The following A1CF variants were observed in gnomAD, a reference collection of about 807,000 sequenced individuals.
The protein encoded by A1CF is APOBEC1 complementation factor, also known as APOBEC-1 stimulating protein.
A1CF carries 48 observed loss-of-function variants against 68.9 expected under a neutral mutation model. The ratio of observed to expected loss-of-function variants is 0.70; its 90% CI spans 0.55 to 0.89. The LOEUF is 0.89. Ranked by LOEUF, A1CF falls within the 40% of genes least tolerant of loss-of-function variation. A1CF has a pLI of 0.00. For missense variants in A1CF, 653 were observed against 718.9 expected (o/e 0.91, Z 1.05); for synonymous variants, 272 against 260.4 (o/e 1.04, Z -0.43).
intron 3 of A1CF, among the ~76,000 whole-genome samples, chr10:50,846,784 T>C (rs953717138): frequency 2.0e-5 from 3 of 152,194 alleles, no homozygotes; most frequent in African/African-American, 7.2e-5. Flanking sequence ...GCATATTAAT[T>C]GTCTTTCTTT....
intron 7 of A1CF, chr10:50,824,117 A>T (rs1838806073): frequency 6.6e-6 from 1 of 152,080 alleles, no homozygotes; most frequent in Non-Finnish European, 1.5e-5. Context: ...TAGCCCTGAG[A>T]GTTGTGCCAC....
intron 12 of A1CF, among the ~76,000 whole-genome samples, chr10:50,809,332 C>CT (rs1435789208): frequency 1.3e-5 from 2 of 152,112 alleles, no homozygotes; most frequent in Admixed American, 6.5e-5. Context: ...TTTAAAAAAT[C>CT]TTTTTTGAAA....
chr10:50,829,096 A>T (rs1839111903), intron 6 of A1CF, among the ~76,000 whole-genome samples: 1 of 152,174 alleles, frequency 6.6e-6, no homozygotes, highest in African/African-American at 2.4e-5. Flanking sequence ...GTGCCATCTC[A>T]GTTACTTCTC....
chr10:50,874,569 C>T (rs1009399186), intron 1 of A1CF, among the ~76,000 whole-genome samples: 2 of 152,174 alleles, frequency 1.3e-5, no homozygotes, highest in Non-Finnish European at 2.9e-5. Context: ...TAACTGCAAA[C>T]GTTCTTAAAT....
In A1CF at chr10:50,806,740, C is replaced by A. The variant is rs770415333; in HGVS notation, c.1750G>T (p.Gly584Cys). The A allele has an allele frequency of 6.2e-7, 1 of 1,601,414 alleles. No homozygotes were observed. The highest frequency in any genetic ancestry group is 1.1e-5 in the South Asian group (1 of 88,108). ...FAVTARGDGY[G>C]TF The stretch of plus-strand genomic sequence containing the variant: ...TTAAAAAAGCATCTTCAGAAGGTGC[C>A]ATATCCATCCCCTCGGGCAGTCACT... Residue 584 changes from glycine (G) to cysteine (C), a missense_variant, in exon 13 of 13, where the codon GGC becomes TGC. By Grantham distance (159) the Gly-to-Cys change is radical (BLOSUM62 -3). Coordinates refer to ENST00000373997, the MANE Select transcript of A1CF (RefSeq NM_014576.4).
At chr10:50,843,908 C>T (rs1292436019) in intron 4 of A1CF, 80 bp downstream of exon 4, 20 of 1,552,632 alleles carry the variant, frequency 1.3e-5, no homozygotes, top group Non-Finnish European at 1.7e-5. Flanking sequence ...ACCAAGAAGG[C>T]TGAGAATGAA....
At chr10:50,858,231 AT>A (rs1214493915) in intron 3 of A1CF, among the ~76,000 whole-genome samples, 15 of 152,284 alleles carry the variant, frequency 9.9e-5, no homozygotes, top group African/African-American at 3.6e-4. Context: ...TATGAAAAAA[AT>A]ATCAATTTTT....
intron 7 of A1CF, among the ~76,000 whole-genome samples, chr10:50,823,339 G>A (rs1214357287): frequency 6.6e-6 from 1 of 152,130 alleles, no homozygotes; most frequent in Non-Finnish European, 1.5e-5. Flanking sequence ...TTGGCAGAGG[G>A]TGAGTCCATA....
At chr10:50,870,517 T>G (rs1482141106) in intron 1 of A1CF, among the ~76,000 whole-genome samples, 2 of 151,862 alleles carry the variant, frequency 1.3e-5, no homozygotes, top group African/African-American at 2.4e-5. Context: ...CTTTTACCAA[T>G]AATTTGAAAA....
intron 3 of A1CF, among the ~76,000 whole-genome samples, chr10:50,846,172 G>A (rs955935413): frequency 3.3e-5 from 5 of 152,130 alleles, no homozygotes; most frequent in Non-Finnish European, 5.9e-5. Flanking sequence ...CTGACCTCAT[G>A]TGATGGGTAT....
At chr10:50,849,167 T>TAA (rs1840126295) in intron 3 of A1CF, among the ~76,000 whole-genome samples, 1 of 152,210 alleles carries the variant, frequency 6.6e-6, no homozygotes, top group Non-Finnish European at 1.5e-5. Context: ...TGGTCTCTTC[T>TAA]AAAGTTTTTG....
intron 6 of A1CF, among the ~76,000 whole-genome samples, chr10:50,834,214 G>A (rs1159634891): frequency 6.6e-6 from 1 of 152,150 alleles, no homozygotes; most frequent in Non-Finnish European, 1.5e-5. Context: ...TCTTTCACTT[G>A]TTTTGGACCT....
intron 3 of A1CF, among the ~76,000 whole-genome samples, chr10:50,846,632 G>A (rs1393239100): frequency 6.6e-6 from 1 of 152,066 alleles, no homozygotes; most frequent in African/African-American, 2.4e-5. Context: ...AAATAAATAG[G>A]CAACCAGCAG....
intron 12 of A1CF, among the ~76,000 whole-genome samples, chr10:50,808,708 C>G (rs1837948483): frequency 6.6e-6 from 1 of 152,116 alleles, no homozygotes; most frequent in Non-Finnish European, 1.5e-5. Context: ...GAATTGAGGT[C>G]ACTTTCAGAT....
chr10:50,852,870 A>C (rs1387051909), intron 3 of A1CF, among the ~76,000 whole-genome samples: 1 of 152,162 alleles, frequency 6.6e-6, no homozygotes, highest in East Asian at 1.9e-4. Context: ...AGGAACATTC[A>C]ATTAAAATTA....
At chr10:50,817,686 A>G (rs1425363278) in intron 8 of A1CF, among the ~76,000 whole-genome samples, 1 of 152,172 alleles carries the variant, frequency 6.6e-6, no homozygotes, top group Non-Finnish European at 1.5e-5. Context: ...AGAGACCCAA[A>G]TAGGTCTCTG....
chr10:50,842,080 C>T, intron 4 of A1CF, 88 bp from the exon 5 acceptor site: 2 of 1,205,724 alleles, frequency 1.7e-6, no homozygotes, highest in South Asian at 2.8e-5. Context: ...CACAAACACA[C>T]ACACACACAA....
At chr10:50,818,722 C>A (rs912359319) in intron 8 of A1CF, among the ~76,000 whole-genome samples, 3 of 152,058 alleles carry the variant, frequency 2.0e-5, no homozygotes, top group African/African-American at 7.2e-5. Flanking sequence ...TTTTTCTTTG[C>A]AGTTTTCTTT....
rs543275699 is a variant in A1CF, at chr10:50,840,065, C to T, written c.365+1797G>A. Among the ~76,000 whole-genome samples the T allele has an allele frequency of 4.6e-5, 7 of 152,166 alleles. No homozygotes were observed. In the South Asian group the frequency reaches 1.5e-3, roughly 32 times the overall value. On this transcript the variant is annotated intron_variant, in intron 5 of 12. Coordinates refer to ENST00000373997, the MANE Select transcript of A1CF (RefSeq NM_014576.4). ...CCCAGGAATTTTTAATAAAATAAGC[C>T]AGTAGTTAATTGATTTACAGACTGT...
Sources: gnomAD v4.1 joint callset for allele counts (sites outside exome capture counted in the v4.1 genomes callset) on GRCh38, gnomAD v4.1.1 for gene constraint, MANE v1.5 for transcripts, NCBI Gene and HGNC (gene_info 2026-07-23, HGNC 2026-07-21) for gene names.